DACH1: variants seen among roughly 807,000 people sequenced by gnomAD.
DACH1 encodes the protein dachshund family transcription factor 1, also known as dachshund homolog 1.
A neutral mutation model predicts 54.2 loss-of-function variants in DACH1; 12 were observed. The observed-to-expected ratio is 0.22, with a 90% confidence interval of 0.14 to 0.36. DACH1 has a LOEUF of 0.36. DACH1 is among the 10% of genes least tolerant of loss of function. The pLI is 1.00. For missense variants in DACH1, 805 were observed against 929.8 expected (o/e 0.87, Z 1.75); for synonymous variants, 386 against 366.2 (o/e 1.05, Z -0.62).
At chr13:71,492,579 A>C (rs1879067450) in intron 6 of DACH1, among the ~76,000 whole-genome samples, 1 of 150,672 alleles carries the variant, frequency 6.6e-6, no homozygotes, top group Admixed American at 6.6e-5. Flanking sequence ...ACTGTGAGAT[A>C]ATAAACTTCT....
Position 71,866,733 on chromosome 13 carries a change from G to C in DACH1, c.37C>G (p.Leu13Val). The C allele has an allele frequency of 2.1e-6, 3 of 1,439,500 alleles. No individual in the cohort carries two copies. The highest frequency in any genetic ancestry group is 2.8e-6 in the Non-Finnish European group (3 of 1,087,216). 89.2% of individuals were successfully genotyped at this position (1,439,500 alleles called of 1,614,324 possible). The change falls in exon 1 of 11, where the codon CTG (leucine) becomes GTG (valine). Residue 13 changes from leucine to valine, a missense_variant. Physicochemically the swap from Leu to Val is conservative, Grantham distance 32. Around this residue, in one of 3 missense-constraint regions of DACH1, gnomAD observed 305 missense variants for 308.7 expected, o/e 0.99. Transcript: ENST00000613252. ...VPAALIPPTQ[L>V]VPPQPPISTS... Reference sequence around the variant, plus strand: ...GAGATTGGGGGTTGAGGGGGGACCAGCTGGGTCGGAGGGATCAAAGCCGCC... The same window carrying C: ...GAGATTGGGGGTTGAGGGGGGACCACCTGGGTCGGAGGGATCAAAGCCGCC...
intron 6 of DACH1, among the ~76,000 whole-genome samples, chr13:71,546,007 T>A (rs1033810243): frequency 6.6e-6 from 1 of 152,090 alleles, no homozygotes; most frequent in African/African-American, 2.4e-5. Flanking sequence ...TGGCCACTTA[T>A]ACAGATATCT....
intron 3 of DACH1, among the ~76,000 whole-genome samples, chr13:71,588,229 A>G (rs964295394): frequency 2.2e-4 from 33 of 152,094 alleles, no homozygotes; most frequent in Admixed American, 1.8e-3. Flanking sequence ...TTATCACAGG[A>G]CATAGTTGCT....
At chr13:71,563,846 A>G (rs1457170132) in intron 4 of DACH1, among the ~76,000 whole-genome samples, 1 of 151,662 alleles carries the variant, frequency 6.6e-6, no homozygotes, top group African/African-American at 2.4e-5. Flanking sequence ...ATTTGAAGAA[A>G]ATATTTTAAT....
chr13:71,709,949 T>C (rs2138775185), intron 1 of DACH1, among the ~76,000 whole-genome samples: 1 of 152,212 alleles, frequency 6.6e-6, no homozygotes, highest in South Asian at 2.1e-4. Context: ...CTGGGCTCAA[T>C]CGATCCTTCC....
At chr13:71,699,032 A>C (rs1594110370) in intron 1 of DACH1, among the ~76,000 whole-genome samples, 1 of 152,166 alleles carries the variant, frequency 6.6e-6, no homozygotes, top group Non-Finnish European at 1.5e-5. Flanking sequence ...TTAGAAGTGC[A>C]TGTAAAAAGA....
At chr13:71,667,676 A>C (rs921874381) in intron 2 of DACH1, among the ~76,000 whole-genome samples, 1 of 152,192 alleles carries the variant, frequency 6.6e-6, no homozygotes, top group Non-Finnish European at 1.5e-5. Flanking sequence ...TTGCCATTAT[A>C]AATCAAAAAG....
intron 2 of DACH1, among the ~76,000 whole-genome samples, chr13:71,679,155 T>C (rs948636760): frequency 6.6e-6 from 1 of 152,124 alleles, no homozygotes; most frequent in Non-Finnish European, 1.5e-5. Context: ...ATACAGAAAA[T>C]GATCGTACTT....
chr13:71,863,398 A>G (rs941862303), intron 1 of DACH1, among the ~76,000 whole-genome samples: 1 of 152,188 alleles, frequency 6.6e-6, no homozygotes, highest in Non-Finnish European at 1.5e-5. Flanking sequence ...TATATGATCA[A>G]ATACAATACT....
chr13:71,466,103 G>A (rs542565516), intron 10 of DACH1, among the ~76,000 whole-genome samples: 1 of 152,094 alleles, frequency 6.6e-6, no homozygotes, highest in Non-Finnish European at 1.5e-5. Context: ...CCGCAGAGAT[G>A]TGTCACAACT....
chr13:71,517,653 A>C (rs1212675877), intron 6 of DACH1, among the ~76,000 whole-genome samples: 1 of 151,914 alleles, frequency 6.6e-6, no homozygotes, highest in Non-Finnish European at 1.5e-5. Flanking sequence ...ACTGGAAAGG[A>C]AGTCATAAGA....
At chr13:71,842,413 T>TA (rs10712982) in intron 1 of DACH1, among the ~76,000 whole-genome samples, 228 of 138,710 alleles carry the variant, frequency 1.6e-3, no homozygotes, top group East Asian at 0.012. Flanking sequence ...CCATTTCTAT[T>TA]AAAAAAAAAA....
chr13:71,538,834 A>G (rs1380240658), intron 6 of DACH1, among the ~76,000 whole-genome samples: 2 of 152,092 alleles, frequency 1.3e-5, no homozygotes, highest in East Asian at 3.9e-4. Context: ...GGGTCAGGTT[A>G]AAACATGTAT....
chr13:71,858,366 G>A (rs1489864775), intron 1 of DACH1, among the ~76,000 whole-genome samples: 1 of 151,486 alleles, frequency 6.6e-6, no homozygotes, highest in African/African-American at 2.4e-5. Flanking sequence ...ATTCATATAC[G>A]CTAAGGAAAC....
chr13:71,490,990 C>T (rs1232138509), intron 6 of DACH1, among the ~76,000 whole-genome samples: 2 of 152,132 alleles, frequency 1.3e-5, no homozygotes, highest in East Asian at 1.9e-4. Context: ...TTATTAAAGA[C>T]TGTCCAAGAA....
chr13:71,804,918 C>T (rs532467748), intron 1 of DACH1, among the ~76,000 whole-genome samples: 1 of 152,242 alleles, frequency 6.6e-6, no homozygotes, highest in Admixed American at 6.5e-5. Flanking sequence ...CGTTTGTTTG[C>T]TTTGTCTTCT....
intron 6 of DACH1, among the ~76,000 whole-genome samples, chr13:71,531,261 T>C (rs2073937448): frequency 6.6e-6 from 1 of 152,108 alleles, no homozygotes; most frequent in African/African-American, 2.4e-5. Context: ...TTTATATTTA[T>C]CATGCATGTA....
At chr13:71,765,834 C>T (rs1008497061) in intron 1 of DACH1, among the ~76,000 whole-genome samples, 4 of 151,522 alleles carry the variant, frequency 2.6e-5, no homozygotes, top group South Asian at 2.1e-4. Context: ...GAAACAGAGT[C>T]GGTCTAAATC....
At chr13:71,454,394 A>G (rs1875362902) in intron 10 of DACH1, among the ~76,000 whole-genome samples, 1 of 152,170 alleles carries the variant, frequency 6.6e-6, no homozygotes, top group Non-Finnish European at 1.5e-5. Context: ...GCCATACATG[A>G]TACCTTCTCC....
Sources: allele counts gnomAD v4.1 joint callset (sites outside exome capture counted in the v4.1 genomes callset), GRCh38; gene constraint gnomAD v4.1.1; regional missense constraint gnomAD v4.1.1; transcripts MANE v1.5; gene names NCBI Gene and HGNC (gene_info 2026-07-23, HGNC 2026-07-21).